Variants in TAFA1 observed in about 807,000 individuals in gnomAD.
The protein encoded by TAFA1 is chemokine-like protein TAFA-1.
A neutral mutation model predicts 18.5 loss-of-function variants in TAFA1; 4 were observed. That is an observed-to-expected ratio of 0.22 (90% confidence interval 0.11 to 0.49). TAFA1 has a LOEUF of 0.49. Ranked by LOEUF, TAFA1 falls within the 20% of genes least tolerant of loss-of-function variation. The pLI, the probability that TAFA1 is intolerant of heterozygous loss-of-function variation, is 0.98. For synonymous variants in TAFA1, 56 were observed against 55.2 expected, an observed-to-expected ratio of 1.01 and a Z score of -0.06; for missense variants, 147 against 169.0, an observed-to-expected ratio of 0.87 and a Z score of 0.72.
At chr3:68,169,589 T>C (rs1350927218) in intron 2 of TAFA1, among the ~76,000 whole-genome samples, 6 of 152,228 alleles carry the variant, frequency 3.9e-5, no homozygotes, top group Non-Finnish European at 7.3e-5. Flanking sequence ...AGGAAGTTCA[T>C]TACTCTGCAA....
At chr3:68,105,416 T>G (rs1165344355) in intron 2 of TAFA1, among the ~76,000 whole-genome samples, 3 of 152,160 alleles carry the variant, frequency 2.0e-5, no homozygotes, top group Non-Finnish European at 4.4e-5. Context: ...TAAACAAACA[T>G]GTTTTATTTT....
At chr3:68,252,264 C>T (rs1475224243) in intron 2 of TAFA1, among the ~76,000 whole-genome samples, 1 of 152,182 alleles carries the variant, frequency 6.6e-6, no homozygotes, top group Non-Finnish European at 1.5e-5. Flanking sequence ...TGTCTCAAGT[C>T]TTGTCTGCTC....
In TAFA1 at chr3:68,199,624, T is replaced by C. The variant is rs554974218; in HGVS notation, c.118+192880T>C. Among the ~76,000 whole-genome samples the C allele has an allele frequency of 3.3e-5, 5 of 151,644 alleles. No individual in the cohort carries two copies. The South Asian group carries it at 1.0e-3, about 31-fold the overall frequency. ...TTGGGGGATGCTAATGTAAATGGTA[T>C]TGTGTTTTTAATTTCAAATTACACC... On this transcript the variant is annotated intron_variant, in intron 2 of 4. Transcript: ENST00000478136.
At chr3:68,363,206 T>C (rs1289022864) in intron 2 of TAFA1, among the ~76,000 whole-genome samples, 1 of 152,018 alleles carries the variant, frequency 6.6e-6, no homozygotes, top group Admixed American at 6.6e-5. Flanking sequence ...GTGTTCAACA[T>C]TTGTTAATTT....
intron 2 of TAFA1, among the ~76,000 whole-genome samples, chr3:68,253,476 T>G (rs540291848): frequency 6.6e-6 from 1 of 152,318 alleles, no homozygotes; most frequent in Admixed American, 6.5e-5. Context: ...GTATAGATAT[T>G]GTTTCTCACT....
intron 4 of TAFA1, among the ~76,000 whole-genome samples, chr3:68,542,471 G>A (rs915798498): frequency 1.3e-5 from 2 of 151,942 alleles, no homozygotes; most frequent in African/African-American, 4.8e-5. Flanking sequence ...TGAAAGTTGG[G>A]GAGGCTCTAT....
rs112881486 is a variant in TAFA1, at chr3:68,105,218, A to G, written c.118+98474A>G. ...TACCTCCCACCAGACTCCACCTCCA[A>G]CATTGGGGATCACATTTCAACATGA... is the stretch of plus-strand genomic sequence containing the variant. On this transcript the variant is annotated intron_variant, in intron 2 of 4. Coordinates refer to ENST00000478136, the MANE Select transcript of TAFA1 (RefSeq NM_213609.4). 2.8e-3 allele frequency among the ~76,000 whole-genome samples: 422 copies of G among 152,244 alleles called. 1 individual carries two copies. The highest frequency in any genetic ancestry group is 9.6e-3 in the African/African-American group (400 of 41,570).
chr3:68,337,998 G>A (rs532138487), intron 2 of TAFA1, among the ~76,000 whole-genome samples: 7 of 152,226 alleles, frequency 4.6e-5, no homozygotes, highest in African/African-American at 1.7e-4. Context: ...TAGATTAGCT[G>A]GTGTTCAAGT....
intron 2 of TAFA1, among the ~76,000 whole-genome samples, chr3:68,334,042 T>A (rs1329282610): frequency 2.6e-5 from 4 of 152,166 alleles, no homozygotes; most frequent in Non-Finnish European, 5.9e-5. Context: ...TACAAAACTT[T>A]CAGTTATAAG....
chr3:68,001,632 G>A (rs1298070216), upstream of TAFA1, among the ~76,000 whole-genome samples: 1 of 148,602 alleles, frequency 6.7e-6, no homozygotes, highest in African/African-American at 2.5e-5. Context: ...CCTTGTGAAT[G>A]CTTTGTACTT....
intron 3 of TAFA1, among the ~76,000 whole-genome samples, chr3:68,530,298 A>G (rs759202384): frequency 1.3e-5 from 2 of 152,234 alleles, no homozygotes; most frequent in African/African-American, 2.4e-5. Context: ...AACAACAACC[A>G]TAATGAAAAA....
intron 2 of TAFA1, among the ~76,000 whole-genome samples, chr3:68,338,054 G>A (rs181624725): frequency 3.6e-4 from 55 of 152,274 alleles, no homozygotes; most frequent in Non-Finnish European, 6.8e-4. Flanking sequence ...AAAGATGTGG[G>A]TATTTGTTTT....
intron 2 of TAFA1, among the ~76,000 whole-genome samples, chr3:68,319,323 C>T (rs200591693): frequency 2.6e-5 from 4 of 152,314 alleles, no homozygotes; most frequent in East Asian, 3.9e-4. Context: ...CAACCAGGGG[C>T]TATTTTGCCC....
intron 2 of TAFA1, among the ~76,000 whole-genome samples, chr3:68,197,461 C>T (rs376511730): frequency 1.6e-4 from 25 of 151,520 alleles, no homozygotes; most frequent in Admixed American, 1.2e-3. Context: ...CTATGGGGTT[C>T]GGGAAATGCA....
intron 2 of TAFA1, among the ~76,000 whole-genome samples, chr3:68,137,429 T>C (rs140637060): frequency 3.3e-5 from 5 of 152,256 alleles, no homozygotes; most frequent in African/African-American, 9.6e-5. Flanking sequence ...GAAAGTATGT[T>C]CTAAATTGCA....
intron 3 of TAFA1, among the ~76,000 whole-genome samples, chr3:68,533,107 G>A (rs1162556180): frequency 6.6e-6 from 1 of 151,238 alleles, no homozygotes; most frequent in Non-Finnish European, 1.5e-5. Flanking sequence ...AAGAAGGAAG[G>A]TATGTAGTAA....
chr3:68,202,363 T>TAACAAAGTAA, intron 2 of TAFA1, among the ~76,000 whole-genome samples: 1 of 151,788 alleles, frequency 6.6e-6, no homozygotes, highest in East Asian at 2.0e-4. Flanking sequence ...AAAGTGATTG[T>TAACAAAGTAA]TGGTATACTT....
At chr3:68,134,368 T>C (rs1021676841) in intron 2 of TAFA1, among the ~76,000 whole-genome samples, 5 of 152,228 alleles carry the variant, frequency 3.3e-5, no homozygotes, top group African/African-American at 1.2e-4. Flanking sequence ...TGTGTGTGTG[T>C]GTGTATACAT....
intron 2 of TAFA1, among the ~76,000 whole-genome samples, chr3:68,341,069 C>T (rs1014608681): frequency 6.6e-6 from 1 of 152,150 alleles, no homozygotes; most frequent in Non-Finnish European, 1.5e-5. Context: ...AATGGGTTCA[C>T]CTTGCCCACT....
Sources: gnomAD v4.1 joint callset for allele counts (sites outside exome capture counted in the v4.1 genomes callset) on GRCh38, gnomAD v4.1.1 for gene constraint, MANE v1.5 for transcripts, NCBI Gene and HGNC (gene_info 2026-07-23, HGNC 2026-07-21) for gene names.